The following SIK2 variants were observed in gnomAD, a reference collection of about 807,000 sequenced individuals.
SIK2 encodes the protein salt inducible kinase 2, also known as serine/threonine-protein kinase SIK2.
Under a neutral mutation model 103.2 loss-of-function variants are expected in SIK2, and 29 were observed. The ratio of observed to expected loss-of-function variants is 0.28; its 90% CI spans 0.21 to 0.38. The LOEUF (loss-of-function observed/expected upper bound fraction) is 0.38, where lower values mean the gene tolerates loss of function less well. Ranked by LOEUF, SIK2 falls within the 10% of genes least tolerant of loss-of-function variation. The probability of loss-of-function intolerance (pLI) is 1.00; values close to 1 mark genes in which losing one functional copy is unlikely to be tolerated. For missense variants in SIK2, 879 were observed against 1,171.0 expected, an observed-to-expected ratio of 0.75 and a Z score of 3.64; for synonymous variants, 412 against 446.1, an observed-to-expected ratio of 0.92 and a Z score of 0.96.
chr11:111,614,609 A>G (rs956530606), intron 1 of SIK2, among the ~76,000 whole-genome samples: 3 of 152,324 alleles, frequency 2.0e-5, no homozygotes, highest in African/African-American at 7.2e-5. Context: ...TTATCTTCAC[A>G]TTGAGTGGGC....
intron 9 of SIK2, among the ~76,000 whole-genome samples, chr11:111,717,772 A>G (rs1943688648): frequency 6.6e-6 from 1 of 152,240 alleles, no homozygotes; most frequent in African/African-American, 2.4e-5. Flanking sequence ...ATAGAAAGGA[A>G]TGAGATCATG....
chr11:111,691,269 T>A (rs534401935), intron 4 of SIK2, among the ~76,000 whole-genome samples: 1 of 152,338 alleles, frequency 6.6e-6, no homozygotes, highest in East Asian at 1.9e-4. Flanking sequence ...AGAAGTCAGA[T>A]AAAAATTCAG....
At position 111,619,144 on chromosome 11, in the gene SIK2, A is replaced by G. The variant is rs559533435; in HGVS notation, c.253-1195A>G. Among the ~76,000 whole-genome samples, 27 of 152,314 alleles carry G rather than the reference A, an allele frequency of 1.8e-4. No homozygotes were observed. In the East Asian group the frequency reaches 5.0e-3, roughly 28 times the overall value. On this transcript the variant is annotated intron_variant, in intron 2 of 14. Coordinates refer to ENST00000304987, the MANE Select transcript of SIK2 (RefSeq NM_015191.3). ...CGAGGATAAAACTAACATAATTTGC[A>G]TATTAATTCTATCTATTTGAGGTAA...
In SIK2 at chr11:111,602,689, C is replaced by A; in HGVS notation, c.126C>A (p.Thr42=). The A allele has an allele frequency of 6.6e-7, 1 of 1,520,614 alleles. No homozygotes were observed. Among genetic ancestry groups the A allele is most frequent in the South Asian group, 1.2e-5 (1 of 81,160 alleles). 94.2% of individuals were successfully genotyped at this position (1,520,614 alleles called of 1,614,324 possible). Residue 42 remains threonine, a synonymous_variant, in exon 1 of 15, where the codon ACC becomes ACA. Transcript: ENST00000304987. The surrounding 1 kb of genome is among the most constrained non-coding windows in gnomAD (Gnocchi z 4.5). ...TGAAGCTGGGGCGGCACCGGATCAC[C>A]AAGACGGAGGTGCGGCCCGGGGCTC... ...AVVKLGRHRI[T]KTEVAIKIID... is the part of the protein sequence containing the mutation.
intron 3 of SIK2, among the ~76,000 whole-genome samples, chr11:111,629,145 G>T (rs2135847397): frequency 6.6e-6 from 1 of 152,042 alleles, no homozygotes; most frequent in East Asian, 1.9e-4. Context: ...CATGAGAAAA[G>T]GTTTTAAGCA....
chr11:111,613,049 G>C (rs1941751251), intron 1 of SIK2, among the ~76,000 whole-genome samples: 1 of 151,108 alleles, frequency 6.6e-6, no homozygotes, highest in African/African-American at 2.4e-5. Flanking sequence ...TGTTAAATGA[G>C]ATTTATAATT....
intron 3 of SIK2, among the ~76,000 whole-genome samples, chr11:111,659,019 C>T (rs1942432179): frequency 6.6e-6 from 1 of 152,012 alleles, no homozygotes; most frequent in African/African-American, 2.4e-5. Context: ...ATCCAGATAC[C>T]TTTGTATTAA....
rs577959962 is a variant in SIK2, at chr11:111,698,562, C to T, written c.479-2324C>T. 2.5e-3 allele frequency among the ~76,000 whole-genome samples: 373 copies of T among 152,240 alleles called. 1 individual carries two copies. The highest frequency in any genetic ancestry group is 8.6e-3 in the African/African-American group (359 of 41,540). On this transcript the variant is annotated intron_variant, in intron 4 of 14. Transcript: ENST00000304987. ...TTGGAGACCAGCCTGGGAAACATGG[C>T]AAATCCCTGTCTCTACTAAAAATAC...
In SIK2 at chr11:111,705,243, C is replaced by T. The variant is rs1045156296; in HGVS notation, c.1101+104C>T. The T allele has an allele frequency of 8.2e-7, 1 of 1,220,396 alleles. No homozygotes were observed. 75.6% of individuals were successfully genotyped at this position (1,220,396 alleles called of 1,614,324 possible). A position where few individuals can be genotyped will look rare whatever the true frequency, so the allele number is the denominator to read the frequency against. ...GGGTTAGGATTTCATCCTCTACACT[C>T]CGTTTTTCTGTAAAATTTCTGCCTG... is the stretch of plus-strand genomic sequence containing the variant. On this transcript the variant is annotated intron_variant, in intron 8 of 14. Transcript: ENST00000304987. The surrounding 1 kb of genome is among the most constrained non-coding windows in gnomAD (Gnocchi z 4.3).
At chr11:111,648,045 G>A (rs1942280588) in intron 3 of SIK2, among the ~76,000 whole-genome samples, 1 of 151,422 alleles carries the variant, frequency 6.6e-6, no homozygotes, top group Non-Finnish European at 1.5e-5. Flanking sequence ...AATTACCCTT[G>A]GAATTAGGGA....
intron 3 of SIK2, among the ~76,000 whole-genome samples, chr11:111,653,861 C>G (rs141504481): frequency 3.6e-4 from 55 of 152,334 alleles, no homozygotes; most frequent in African/African-American, 1.3e-3. Context: ...CTTCCTTTCC[C>G]TTCCATGTTA....
At chr11:111,619,704 A>G (rs1308999968) in intron 2 of SIK2, among the ~76,000 whole-genome samples, 1 of 152,236 alleles carries the variant, frequency 6.6e-6, no homozygotes, top group Non-Finnish European at 1.5e-5. Context: ...ATGTATGACG[A>G]TGACACACTT....
chr11:111,612,948 T>TA (rs1555024123), intron 1 of SIK2, among the ~76,000 whole-genome samples: 36 of 95,726 alleles, frequency 3.8e-4, no homozygotes, highest in African/African-American at 1.5e-3. Flanking sequence ...ATATATATAT[T>TA]TATGATCATA....
chr11:111,604,590 C>T (rs2135826220), intron 1 of SIK2, among the ~76,000 whole-genome samples: 1 of 152,262 alleles, frequency 6.6e-6, no homozygotes, highest in East Asian at 1.9e-4. Flanking sequence ...CTAGGGGGCA[C>T]TATGGAGTAA....
At chr11:111,604,369 A>C (rs974480468) in intron 1 of SIK2, among the ~76,000 whole-genome samples, 3 of 152,256 alleles carry the variant, frequency 2.0e-5, no homozygotes, top group African/African-American at 7.2e-5. Context: ...GAACTGTAGT[A>C]TATCGTGTGG....
intron 3 of SIK2, among the ~76,000 whole-genome samples, chr11:111,681,132 G>T (rs1302172057): frequency 1.3e-5 from 2 of 152,184 alleles, no homozygotes; most frequent in Non-Finnish European, 2.9e-5. Flanking sequence ...GGCAAATTTG[G>T]AGATTATTCT....
chr11:111,692,209 G>A (rs1942957359), intron 4 of SIK2, among the ~76,000 whole-genome samples: 1 of 151,784 alleles, frequency 6.6e-6, no homozygotes, highest in South Asian at 2.1e-4. Context: ...AAATTAGCCA[G>A]GAATGGCAGC....
rs564699256 is a variant in SIK2, at chr11:111,646,081, C to CGCGCACATGAGTGTATGTGT, written c.316+25680_316+25699dup. 6.4e-3 allele frequency among the ~76,000 whole-genome samples: 981 copies of CGCGCACATGAGTGTATGTGT among 152,112 alleles called. 10 individuals are homozygous for CGCGCACATGAGTGTATGTGT. The highest frequency in any genetic ancestry group is 0.022 in the African/African-American group (915 of 41,472). On this transcript the variant is annotated intron_variant, in intron 3 of 14. Coordinates refer to ENST00000304987, the MANE Select transcript of SIK2 (RefSeq NM_015191.3). ...ATTAAGTATAGTTTTAGTGCATGTGCGCGCACATGAGTGTATGTGTATATT... is the reference window on the plus strand; with the variant it reads ...ATTAAGTATAGTTTTAGTGCATGTGCGCGCACATGAGTGTATGTGTGCGCACATGAGTGTATGTGTATATT...
In SIK2 at chr11:111,724,194, C is replaced by G. The variant is rs1943897526; in HGVS notation, c.*65C>G. 1.3e-6 allele frequency: 2 copies of G among 1,528,934 alleles called. No individual in the cohort carries two copies. Among genetic ancestry groups the G allele is most frequent in the Non-Finnish European group, 1.7e-6 (2 of 1,144,268 alleles). The allele number at this position is 1,528,934 out of a possible 1,614,324, so 94.7% of individuals were successfully genotyped here. ...GTGTATGTTCCTATTTTTATTCCAG[C>G]CTTTTAAATTTAAAGCTTATTTTCT... On this transcript the variant is annotated 3_prime_UTR_variant, in exon 15 of 15. Transcript: ENST00000304987.
Sources: allele counts gnomAD v4.1 joint callset (sites outside exome capture counted in the v4.1 genomes callset), GRCh38; gene constraint gnomAD v4.1.1; non-coding constraint Gnocchi (gnomAD v3.1); transcripts MANE v1.5; gene names NCBI Gene and HGNC (gene_info 2026-07-23, HGNC 2026-07-21).